WWC1: variants seen among roughly 807,000 people sequenced by gnomAD.
The protein encoded by WWC1 is protein KIBRA.
In WWC1, 55 loss-of-function variants were observed where a neutral mutation model predicts 138.4. That is an observed-to-expected ratio of 0.40 (90% CI 0.32 to 0.50). The LOEUF (loss-of-function observed/expected upper bound fraction) is 0.50. Among genes scored for constraint, WWC1 ranks in the 20% least tolerant of loss-of-function variants. WWC1 has a pLI of 0.72. For missense variants in WWC1, 1,226 were observed against 1,420.4 expected (o/e 0.86, Z 2.20); for synonymous variants, 524 against 564.9 (o/e 0.93, Z 1.03).
intron 1 of WWC1, among the ~76,000 whole-genome samples, chr5:168,357,504 A>G (rs1285839421): frequency 7.1e-6 from 1 of 140,266 alleles, no homozygotes; most frequent in Non-Finnish European, 1.5e-5. Flanking sequence ...GCGCGCGCGC[A>G]CGCATGCACG....
At chr5:168,461,086 T>A (rs1010428139) in intron 20 of WWC1, among the ~76,000 whole-genome samples, 1 of 152,152 alleles carries the variant, frequency 6.6e-6, no homozygotes, top group South Asian at 2.1e-4. Context: ...CCCAGCACTC[T>A]GGGAGGCCGA....
intron 3 of WWC1, among the ~76,000 whole-genome samples, chr5:168,388,762 G>T (rs533655187): frequency 3.2e-4 from 49 of 151,866 alleles, no homozygotes; most frequent in African/African-American, 8.2e-4. Flanking sequence ...CCTGGGAGGC[G>T]GAGGTTGCAG....
At chr5:168,334,137 C>A (rs1465821167) in intron 1 of WWC1, among the ~76,000 whole-genome samples, 1 of 149,750 alleles carries the variant, frequency 6.7e-6, no homozygotes, top group African/African-American at 2.5e-5. Flanking sequence ...GGAGGGAGGA[C>A]CATTTAAGCC....
chr5:168,331,560 A>C (rs138933428), intron 1 of WWC1, among the ~76,000 whole-genome samples: 1 of 152,240 alleles, frequency 6.6e-6, no homozygotes, highest in Non-Finnish European at 1.5e-5. Context: ...TTTAAGATGA[A>C]CTTGTTTGTT....
intron 16 of WWC1, 86 bp downstream of exon 16, chr5:168,441,920 C>T (rs1754808672): frequency 1.3e-6 from 2 of 1,514,328 alleles, no homozygotes; most frequent in African/African-American, 1.4e-5. Context: ...TGGAGGTGAT[C>T]AGGCGTCATG....
At chr5:168,435,401 C>A in intron 15 of WWC1, among the ~76,000 whole-genome samples, 1 of 152,166 alleles carries the variant, frequency 6.6e-6, no homozygotes, top group East Asian at 1.9e-4. Flanking sequence ...TTCTCCCATG[C>A]TCAAAACAAA....
intron 1 of WWC1, among the ~76,000 whole-genome samples, chr5:168,352,739 TTGCCCAGCTA>T (rs1202120035): frequency 1.3e-5 from 2 of 152,004 alleles, no homozygotes; most frequent in Non-Finnish European, 2.9e-5. Flanking sequence ...GCCCACGACC[TTGCCCAGCTA>T]ATTTTTGTAT....
chr5:168,402,903 AAGGTACAACTTATCCTTAAGGAATTTCC>A (rs1379376611), intron 5 of WWC1, among the ~76,000 whole-genome samples: 2 of 152,222 alleles, frequency 1.3e-5, no homozygotes, highest in Non-Finnish European at 2.9e-5. Context: ...AACATGGAGA[AAGGTACAACTTATCCTTAAGGAATTTCC>A]AGGATAACTT....
Position 168,371,485 on chromosome 5 carries a change from G to A in WWC1, c.181G>A (p.Glu61Lys), listed in dbSNP as rs1442755023. 1.2e-6 allele frequency: 2 copies of A among 1,614,098 alleles called. No individual in the cohort carries two copies. Among genetic ancestry groups the A allele is most frequent in the South Asian group, 1.1e-5 (1 of 91,070 alleles). ...ISDELPLGWE[E>K]AYDPQVGDYF... ...TGATGAGTTGCCGCTAGGATGGGAA[G>A]AGGCATATGACCCACAGGTTGGAGA... is the stretch of plus-strand genomic sequence containing the variant. The change falls in exon 2 of 23, where the codon GAG (glutamate) becomes AAG (lysine). Residue 61 changes from glutamate (E) to lysine (K), a missense_variant. Glu to Lys is a moderately conservative substitution (Grantham distance 56, BLOSUM62 1). Transcript: ENST00000265293.
At chr5:168,452,555 G>A (rs1438502333) in intron 17 of WWC1, among the ~76,000 whole-genome samples, 1 of 152,200 alleles carries the variant, frequency 6.6e-6, no homozygotes, top group Non-Finnish European at 1.5e-5. Context: ...TGGATTTCCA[G>A]CCTCCAGGAC....
Position 168,454,117 on chromosome 5 carries a change from G to T in WWC1, c.2658+17G>T. 1.9e-6 allele frequency: 3 copies of T among 1,607,932 alleles called. No homozygotes were observed. The highest frequency in any genetic ancestry group is 2.5e-6 in the Non-Finnish European group (3 of 1,178,180). Reference sequence around the variant, plus strand: ...GCATTAAAGGTAGGAAGGGCTGGGGGGATAGAAGGGCTGTCGTGGGGAAGG... The same window carrying T: ...GCATTAAAGGTAGGAAGGGCTGGGGTGATAGAAGGGCTGTCGTGGGGAAGG... On this transcript the variant is annotated intron_variant, in intron 18 of 22. Transcript: ENST00000265293.
intron 1 of WWC1, among the ~76,000 whole-genome samples, chr5:168,355,494 C>CAAAAAAAAAAAAAAAAAAAAAAAAAAAA (rs564674062): frequency 1.5e-5 from 1 of 66,528 alleles, no homozygotes; most frequent in African/African-American, 5.9e-5. Flanking sequence ...GACTCCGTCT[C>CAAAAAAAAAAAAAAAAAAAAAAAAAAAA]AAAAAAAAAA....
At chr5:168,466,988 G>A (rs536614698) in intron 21 of WWC1, among the ~76,000 whole-genome samples, 4 of 152,260 alleles carry the variant, frequency 2.6e-5, no homozygotes, top group Admixed American at 1.3e-4. Context: ...TAGGCCGGAC[G>A]CGGTGGCTCA....
At chr5:168,339,855 CTCTT>C (rs1773847245) in intron 1 of WWC1, among the ~76,000 whole-genome samples, 2 of 122,094 alleles carry the variant, frequency 1.6e-5, no homozygotes, top group Non-Finnish European at 3.3e-5. Context: ...CTTTCTTTCT[CTCTT>C]TCTCTCTCTC....
rs375898440 is a variant in WWC1, at chr5:168,336,400, G to A, written c.120-35024G>A. The stretch of plus-strand genomic sequence containing the variant: ...ACCCTGGTCAATGTGGTGAAACCCC[G>A]TCTCTACTAAAAATACAAAAAATTA... On this transcript the variant is annotated intron_variant, in intron 1 of 22. Coordinates refer to ENST00000265293, the MANE Select transcript of WWC1 (RefSeq NM_015238.3). 3.3e-5 allele frequency among the ~76,000 whole-genome samples: 5 copies of A among 151,974 alleles called. 1 individual carries two copies. Among genetic ancestry groups the A allele is most frequent in the Middle Eastern group, 3.4e-3 (1 of 294 alleles).
At chr5:168,402,467 G>A (rs976073545) in intron 5 of WWC1, among the ~76,000 whole-genome samples, 2 of 152,164 alleles carry the variant, frequency 1.3e-5, no homozygotes, top group African/African-American at 2.4e-5. Flanking sequence ...TGCCTGGCAT[G>A]AGGGAAGAGC....
intron 17 of WWC1, among the ~76,000 whole-genome samples, chr5:168,449,943 C>T (rs1161141149): frequency 1.3e-5 from 2 of 152,186 alleles, no homozygotes; most frequent in African/African-American, 2.4e-5. Flanking sequence ...CCTCCACAGC[C>T]GCAGTCCTCA....
At chr5:168,293,430 C>CA (rs1469359370) in intron 1 of WWC1, among the ~76,000 whole-genome samples, 1 of 151,320 alleles carries the variant, frequency 6.6e-6, no homozygotes, top group African/African-American at 2.4e-5. Flanking sequence ...AGATGTGGGT[C>CA]AAAAAAAGAA....
chr5:168,435,469 G>T (rs966487372), intron 15 of WWC1, among the ~76,000 whole-genome samples: 2 of 152,016 alleles, frequency 1.3e-5, no homozygotes, highest in Non-Finnish European at 2.9e-5. Flanking sequence ...GGAGTGCAGT[G>T]CTGTGAACTC....
Sources: gnomAD v4.1 joint callset for allele counts (sites outside exome capture counted in the v4.1 genomes callset) on GRCh38, gnomAD v4.1.1 for gene constraint, MANE v1.5 for transcripts, NCBI Gene and HGNC (gene_info 2026-07-23, HGNC 2026-07-21) for gene names.